Variants in CCSER1 observed in about 807,000 individuals in gnomAD.
CCSER1 encodes serine-rich coiled-coil domain-containing protein 1.
Under a neutral mutation model 82.0 loss-of-function variants are expected in CCSER1, and 41 were observed. That is an observed-to-expected ratio of 0.50 (90% CI 0.39 to 0.65). The LOEUF is 0.65. Ranked by LOEUF, CCSER1 falls within the 30% of genes least tolerant of loss-of-function variation. The pLI, the probability that CCSER1 is intolerant of heterozygous loss-of-function variation, is 0.00. For synonymous variants in CCSER1, 414 were observed against 383.9 expected (o/e 1.08, Z -0.92); for missense variants, 1,119 against 1,064.2 (o/e 1.05, Z -0.72).
At chr4:91,067,026 A>G (rs1438899203) in intron 9 of CCSER1, among the ~76,000 whole-genome samples, 1 of 152,078 alleles carries the variant, frequency 6.6e-6, no homozygotes, top group African/African-American at 2.4e-5. Flanking sequence ...TTAGCCGGGC[A>G]TGGTGGCAGG....
intron 10 of CCSER1, among the ~76,000 whole-genome samples, chr4:91,397,696 G>A (rs1752075430): frequency 6.6e-6 from 1 of 151,974 alleles, no homozygotes; most frequent in Non-Finnish European, 1.5e-5. Flanking sequence ...CTTCATTGAG[G>A]AAGTGAACTT....
chr4:90,864,900 G>C (rs1429258885), intron 8 of CCSER1, among the ~76,000 whole-genome samples: 1 of 151,936 alleles, frequency 6.6e-6, no homozygotes, highest in Non-Finnish European at 1.5e-5. Flanking sequence ...CCAATGACTT[G>C]TAATTAATTA....
intron 10 of CCSER1, among the ~76,000 whole-genome samples, chr4:91,221,663 C>T (rs1231794323): frequency 6.6e-6 from 1 of 152,126 alleles, no homozygotes; most frequent in African/African-American, 2.4e-5. Context: ...TAATTACTCC[C>T]TTTTAATAGG....
intron 10 of CCSER1, among the ~76,000 whole-genome samples, chr4:91,462,859 G>A (rs923370580): frequency 3.9e-5 from 6 of 152,160 alleles, no homozygotes; most frequent in African/African-American, 1.2e-4. Context: ...AAAGTGGCCA[G>A]GAAGCTTGAA....
At chr4:90,501,021 A>G (rs1769793752) in intron 5 of CCSER1, among the ~76,000 whole-genome samples, 1 of 152,084 alleles carries the variant, frequency 6.6e-6, no homozygotes, top group Admixed American at 6.6e-5. Flanking sequence ...GCAAACAAGT[A>G]TAGTCTAACT....
chr4:91,393,972 A>G (rs1181446356), intron 10 of CCSER1, among the ~76,000 whole-genome samples: 1 of 152,104 alleles, frequency 6.6e-6, no homozygotes, highest in African/African-American at 2.4e-5. Flanking sequence ...CATTTACAAG[A>G]TGCTTGGATC....
intron 10 of CCSER1, among the ~76,000 whole-genome samples, chr4:91,597,049 T>G (rs1314998324): frequency 2.0e-5 from 3 of 152,050 alleles, no homozygotes; most frequent in Non-Finnish European, 2.9e-5. Context: ...TCAGCTCATA[T>G]TACAATGTTT....
chr4:91,236,253 C>T (rs1291832073), intron 10 of CCSER1, among the ~76,000 whole-genome samples: 2 of 152,008 alleles, frequency 1.3e-5, no homozygotes, highest in Non-Finnish European at 2.9e-5. Flanking sequence ...TTTGGGAGGC[C>T]GAGGCAGGTG....
chr4:91,235,093 G>A (rs945607324), intron 10 of CCSER1, among the ~76,000 whole-genome samples: 3 of 151,942 alleles, frequency 2.0e-5, no homozygotes, highest in Non-Finnish European at 4.4e-5. Context: ...TTCAACATAA[G>A]TCAAGCACTT....
At chr4:91,478,503 G>A (rs1227037824) in intron 10 of CCSER1, among the ~76,000 whole-genome samples, 2 of 151,772 alleles carry the variant, frequency 1.3e-5, no homozygotes, top group African/African-American at 2.4e-5. Flanking sequence ...TAAAAAAGAT[G>A]AAAAAATCGT....
intron 1 of CCSER1, among the ~76,000 whole-genome samples, chr4:90,173,152 A>G (rs1732033270): frequency 6.6e-6 from 1 of 151,858 alleles, no homozygotes; most frequent in South Asian, 2.1e-4. Flanking sequence ...ACAGAAATTA[A>G]GATATCAATT....
chr4:90,829,972 A>G (rs1056675285), intron 8 of CCSER1, among the ~76,000 whole-genome samples: 12 of 152,056 alleles, frequency 7.9e-5, no homozygotes, highest in Non-Finnish European at 2.9e-5. Flanking sequence ...GACTGTTAAC[A>G]CTCATGCCCA....
chr4:91,357,546 T>G (rs945439646), intron 10 of CCSER1, among the ~76,000 whole-genome samples: 5 of 152,118 alleles, frequency 3.3e-5, no homozygotes, highest in Non-Finnish European at 7.4e-5. Flanking sequence ...AACAATAATT[T>G]TTTTAACCTT....
chr4:90,160,333 A>G (rs748089688), intron 1 of CCSER1, among the ~76,000 whole-genome samples: 1 of 152,186 alleles, frequency 6.6e-6, no homozygotes, highest in Non-Finnish European at 1.5e-5. Context: ...TGGGAATTGA[A>G]ATCACGTGTT....
intron 10 of CCSER1, among the ~76,000 whole-genome samples, chr4:91,479,706 T>C (rs1578570561): frequency 3.8e-5 from 4 of 105,460 alleles, no homozygotes; most frequent in Admixed American, 3.0e-4. Context: ...TTTTTTCTTT[T>C]TTTTCTTTCT....
chr4:90,410,799 A>G (rs1340721439), intron 4 of CCSER1, among the ~76,000 whole-genome samples: 1 of 152,234 alleles, frequency 6.6e-6, no homozygotes, highest in African/African-American at 2.4e-5. Context: ...GGAAATAGAG[A>G]CACAAAAAAC....
At chr4:91,165,979 A>T (rs1239704630) in intron 10 of CCSER1, among the ~76,000 whole-genome samples, 1 of 152,210 alleles carries the variant, frequency 6.6e-6, no homozygotes, top group East Asian at 1.9e-4. Flanking sequence ...CAGGTACCTC[A>T]GTAGGAAATG....
intron 10 of CCSER1, among the ~76,000 whole-genome samples, chr4:91,308,444 A>G (rs1220408531): frequency 6.6e-6 from 1 of 152,036 alleles, no homozygotes; most frequent in Non-Finnish European, 1.5e-5. Flanking sequence ...GGAGAGATTT[A>G]CAAACATTTT....
At chr4:90,481,698 C>A (rs542302502) in intron 5 of CCSER1, among the ~76,000 whole-genome samples, 31 of 152,296 alleles carry the variant, frequency 2.0e-4, no homozygotes, top group African/African-American at 7.5e-4. Context: ...GTTGAAGCAG[C>A]CTTGCATCCC....
Sources: gnomAD v4.1 joint callset for allele counts (sites outside exome capture counted in the v4.1 genomes callset) on GRCh38, gnomAD v4.1.1 for gene constraint, MANE v1.5 for transcripts, NCBI Gene and HGNC (gene_info 2026-07-23, HGNC 2026-07-21) for gene names.